The following FGD6 variants were observed in gnomAD, a reference collection of about 807,000 sequenced individuals.
FGD6 encodes the protein FYVE, RhoGEF and PH domain-containing protein 6.
In FGD6, 90 loss-of-function variants were observed where a neutral mutation model predicts 149.4. That is an observed-to-expected ratio of 0.60 (90% CI 0.51 to 0.72). The LOEUF (loss-of-function observed/expected upper bound fraction) is 0.72. Among genes scored for constraint, FGD6 ranks in the 30% least tolerant of loss-of-function variants. The pLI, the probability that FGD6 is intolerant of heterozygous loss-of-function variation, is 0.00. For missense variants in FGD6, 1,437 were observed against 1,684.8 expected (o/e 0.85, Z 2.57); for synonymous variants, 527 against 584.0 (o/e 0.90, Z 1.41).
At chr12:95,197,843 T>C (rs1471518527) in intron 2 of FGD6, among the ~76,000 whole-genome samples, 2 of 152,196 alleles carry the variant, frequency 1.3e-5, no homozygotes, top group Non-Finnish European at 2.9e-5. Context: ...ACAGGAATCA[T>C]ATTTAACTTG....
At chr12:95,215,868 A>G (rs1233621488) in intron 1 of FGD6, among the ~76,000 whole-genome samples, 3 of 152,250 alleles carry the variant, frequency 2.0e-5, no homozygotes, top group African/African-American at 7.2e-5. Context: ...TGACACCTCC[A>G]AAAAGGAAAG....
chr12:95,135,885 AC>A lies in FGD6; in HGVS notation c.2995-1060del, dbSNP rs1384033147. 7.2e-5 allele frequency among the ~76,000 whole-genome samples: 11 copies of A among 152,286 alleles called. No individual in the cohort carries two copies. In the East Asian group the frequency reaches 2.1e-3, roughly 29 times the overall value. On this transcript the variant is annotated intron_variant, in intron 7 of 20. Coordinates refer to ENST00000343958, the MANE Select transcript of FGD6 (RefSeq NM_018351.4). Reference sequence around the variant, plus strand: ...TTTTGCTAACAAGGTAACACAACTCACTGGACTCTTACCAAAACCTGGGTCA... The same window carrying A: ...TTTTGCTAACAAGGTAACACAACTCATGGACTCTTACCAAAACCTGGGTCA...
rs149234532 is a variant in FGD6 at position 95,184,093 on chromosome 12, C to G, written c.2442-11349G>C. Among the ~76,000 whole-genome samples the G allele has an allele frequency of 2.3e-3, 347 of 152,208 alleles. 1 individual carries two copies. Among genetic ancestry groups the G allele is most frequent in the African/African-American group, 7.6e-3 (317 of 41,524 alleles). ...CAGAAATGTGGCATATTCCATGTTA[C>G]AGAATGCTAAATGTTACATTATATA... On this transcript the variant is annotated intron_variant, in intron 2 of 20. Transcript: ENST00000343958.
chr12:95,180,543 C>A (rs550804548), intron 2 of FGD6, among the ~76,000 whole-genome samples: 42 of 151,970 alleles, frequency 2.8e-4, no homozygotes, highest in Non-Finnish European at 1.0e-4. Flanking sequence ...CAGGTGCGTG[C>A]CACCACACCT....
rs1220692396 is a variant in FGD6, at chr12:95,172,724, T to C, written c.2462A>G (p.Glu821Gly). 2 of 1,611,972 alleles carry C rather than the reference T, an allele frequency of 1.2e-6. No homozygotes were observed. Among genetic ancestry groups the C allele is most frequent in the Non-Finnish European group, 1.7e-6 (2 of 1,178,806 alleles). ...QHSSSGASQEEQNDLGLGDLP... is the reference protein window; with the variant it reads ...QHSSSGASQEGQNDLGLGDLP... The stretch of plus-strand genomic sequence containing the variant: ...GTCACCAAGACCAAGATCATTCTGT[T>C]CCTCCTGGGATGCTCCTGAACTGCA... Residue 821 changes from glutamate (E) to glycine (G), a missense_variant, in exon 3 of 21, where the codon GAA becomes GGA. Around this residue, in one of 2 missense-constraint regions of FGD6, gnomAD observed 1,055 missense variants for 1,146.0 expected, o/e 0.92. Coordinates refer to ENST00000343958, the MANE Select transcript of FGD6 (RefSeq NM_018351.4).
chr12:95,091,833 C>A (rs1327347673), intron 16 of FGD6, 24 bp from the exon 17 acceptor site: 2 of 1,492,604 alleles, frequency 1.3e-6, no homozygotes, highest in South Asian at 2.3e-5. Flanking sequence ...GGAATTATGT[C>A]ATTAATTTCA....
chr12:95,132,174 CG>C (rs1403305480), intron 8 of FGD6, among the ~76,000 whole-genome samples: 11 of 151,932 alleles, frequency 7.2e-5, no homozygotes, highest in Non-Finnish European at 2.9e-5. Context: ...GTTTAAGAGA[CG>C]GAATTCTCAC....
intron 2 of FGD6, among the ~76,000 whole-genome samples, chr12:95,203,059 C>A (rs1009467816): frequency 3.9e-5 from 6 of 152,066 alleles, no homozygotes; most frequent in African/African-American, 1.4e-4. Context: ...GTAAATGTAA[C>A]CAAAGAGAGA....
intron 14 of FGD6, chr12:95,100,481 C>T (rs890691102): frequency 2.2e-5 from 7 of 315,824 alleles, no homozygotes; most frequent in East Asian, 8.9e-5. Flanking sequence ...TGCTTGCTGC[C>T]GTGGCTACAC....
intron 2 of FGD6, among the ~76,000 whole-genome samples, chr12:95,193,871 G>A (rs948010045): frequency 4.6e-5 from 7 of 151,608 alleles, no homozygotes; most frequent in African/African-American, 1.5e-4. Context: ...AAGGCCACAT[G>A]CTATATGATT....
chr12:95,203,305 A>T (rs935969203), intron 2 of FGD6, among the ~76,000 whole-genome samples: 1 of 152,206 alleles, frequency 6.6e-6, no homozygotes, highest in Non-Finnish European at 1.5e-5. Context: ...AAACCTGTCA[A>T]ATGACAGGCA....
chr12:95,158,628 CAT>C (rs1370873445), intron 3 of FGD6, among the ~76,000 whole-genome samples: 1 of 152,018 alleles, frequency 6.6e-6, no homozygotes, highest in Non-Finnish European at 1.5e-5. Context: ...ATTTTGAAAA[CAT>C]ATTTTAGCAA....
At chr12:95,124,271 T>C (rs1879273206) in intron 8 of FGD6, among the ~76,000 whole-genome samples, 1 of 152,160 alleles carries the variant, frequency 6.6e-6, no homozygotes. Context: ...TAAGCAGGAA[T>C]CTTAAGTGTA....
intron 2 of FGD6, among the ~76,000 whole-genome samples, chr12:95,180,244 T>TTG (rs141054041): frequency 5.9e-4 from 90 of 151,482 alleles, no homozygotes; most frequent in African/African-American, 1.7e-3. Flanking sequence ...GTGTGTATAT[T>TTG]TGTGTGTGTG....
intron 7 of FGD6, among the ~76,000 whole-genome samples, 179 bp downstream of exon 7, chr12:95,137,342 GT>G (rs1879696392): frequency 1.3e-5 from 2 of 152,098 alleles, no homozygotes; most frequent in African/African-American, 4.8e-5. Context: ...TCAAAATTAA[GT>G]CATGTACATT....
chr12:95,179,471 C>T (rs1362806240), intron 2 of FGD6, among the ~76,000 whole-genome samples: 1 of 152,076 alleles, frequency 6.6e-6, no homozygotes, highest in Non-Finnish European at 1.5e-5. Context: ...TGACCTTGCA[C>T]TCCAGCAGGT....
chr12:95,142,293 C>G (rs1432400545), intron 5 of FGD6, among the ~76,000 whole-genome samples: 1 of 152,046 alleles, frequency 6.6e-6, no homozygotes, highest in African/African-American at 2.4e-5. Flanking sequence ...AGGTGCCCAC[C>G]ACCACACCCA....
At chr12:95,124,383 G>A (rs1409579403) in intron 8 of FGD6, among the ~76,000 whole-genome samples, 2 of 152,124 alleles carry the variant, frequency 1.3e-5, no homozygotes, top group Non-Finnish European at 2.9e-5. Context: ...TACGTTTAGG[G>A]ACATAAGCAC....
chr12:95,126,730 C>CAAAA (rs66512721), intron 8 of FGD6, among the ~76,000 whole-genome samples: 3 of 127,362 alleles, frequency 2.4e-5, no homozygotes, highest in African/African-American at 8.9e-5. Context: ...GACTCAGTCT[C>CAAAA]AAAAAAAAAA....
Sources: allele counts gnomAD v4.1 joint callset (sites outside exome capture counted in the v4.1 genomes callset), GRCh38; gene constraint gnomAD v4.1.1; regional missense constraint gnomAD v4.1.1; transcripts MANE v1.5; gene names NCBI Gene and HGNC (gene_info 2026-07-23, HGNC 2026-07-21).